Variants in WWOX observed in about 807,000 individuals in gnomAD.
WWOX encodes the protein WW domain-containing oxidoreductase.
In WWOX, 69 loss-of-function variants were observed where a neutral mutation model predicts 46.2. The ratio of observed to expected loss-of-function variants is 1.49; its 90% CI spans 1.23 to 1.82. The LOEUF (loss-of-function observed/expected upper bound fraction) is 1.82. Ranked by LOEUF, WWOX falls within the 40% of genes most tolerant of loss-of-function variation. The pLI is 0.00. For synonymous variants in WWOX, 359 were observed against 202.6 expected, an observed-to-expected ratio of 1.77 and a Z score of -6.56; for missense variants, 919 against 542.6, an observed-to-expected ratio of 1.69 and a Z score of -6.89.
chr16:78,733,130 T>A (rs2049004968), intron 8 of WWOX, among the ~76,000 whole-genome samples: 3 of 152,228 alleles, frequency 2.0e-5, no homozygotes, highest in Non-Finnish European at 4.4e-5. Context: ...TTGTTTTTAA[T>A]TACGTTCATA....
At chr16:78,159,672 GT>G (rs35468343) in intron 4 of WWOX, among the ~76,000 whole-genome samples, 7,265 of 55,266 alleles carry the variant, frequency 0.13, 186 homozygotes, top group East Asian at 0.23. Flanking sequence ...AAAATCTGTG[GT>G]TTTTTTTTTT....
chr16:79,070,303 TGTG>T (rs2048525413), intron 8 of WWOX, among the ~76,000 whole-genome samples: 1 of 151,150 alleles, frequency 6.6e-6, no homozygotes, highest in East Asian at 1.9e-4. Flanking sequence ...TGTGTGTGTG[TGTG>T]TTTTCCAGAA....
intron 8 of WWOX, chr16:78,891,572 C>G (rs890911763): frequency 1.3e-5 from 2 of 152,328 alleles, no homozygotes; most frequent in African/African-American, 4.8e-5. Flanking sequence ...ATTAAATTCT[C>G]TGTCGATAAT....
intron 8 of WWOX, among the ~76,000 whole-genome samples, chr16:78,838,896 G>C (rs2052063331): frequency 6.6e-6 from 1 of 152,208 alleles, no homozygotes; most frequent in Middle Eastern, 3.4e-3. Context: ...GATTGCCAGG[G>C]ACTGGAGAGG....
intron 8 of WWOX, among the ~76,000 whole-genome samples, chr16:78,794,521 T>A (rs528816090): frequency 7.9e-4 from 120 of 152,318 alleles, no homozygotes; most frequent in African/African-American, 2.7e-3. Context: ...ATACCAATTT[T>A]CTCATCCAAA....
chr16:78,690,880 C>T (rs1452299724), intron 8 of WWOX, among the ~76,000 whole-genome samples: 1 of 152,190 alleles, frequency 6.6e-6, no homozygotes, highest in Non-Finnish European at 1.5e-5. Flanking sequence ...AGCACCGTAT[C>T]AATACCTGGG....
chr16:78,939,376 T>C (rs1261041325), intron 8 of WWOX, among the ~76,000 whole-genome samples: 1 of 152,194 alleles, frequency 6.6e-6, no homozygotes, highest in East Asian at 1.9e-4. Context: ...TGGGATACTT[T>C]TTAGAATTTT....
chr16:78,945,037 G>A (rs2151295912), intron 8 of WWOX, among the ~76,000 whole-genome samples: 1 of 152,198 alleles, frequency 6.6e-6, no homozygotes, highest in Non-Finnish European at 1.5e-5. Flanking sequence ...AACATTAGCT[G>A]GGCATGGTGG....
intron 8 of WWOX, among the ~76,000 whole-genome samples, chr16:79,070,112 A>G (rs184332319): frequency 3.9e-4 from 59 of 152,334 alleles, no homozygotes; most frequent in Non-Finnish European, 6.5e-4. Context: ...GATTGGGCAA[A>G]TTGACTTGAA....
chr16:78,139,765 A>G (rs2033921735), intron 4 of WWOX, among the ~76,000 whole-genome samples: 1 of 152,220 alleles, frequency 6.6e-6, no homozygotes, highest in East Asian at 1.9e-4. Context: ...ATATTTATGC[A>G]TAATTTGGGA....
rs142944858 is a variant in WWOX, at chr16:79,071,419, C to G, written c.1057-140189C>G. On this transcript the variant is annotated intron_variant, in intron 8 of 8. Transcript: ENST00000566780. ...AGAAGGGGTTGTGCGTTTCTTCCCCCCTCATCTCTTAGAGCCCTGTTACCC... is the reference window on the plus strand; with the variant it reads ...AGAAGGGGTTGTGCGTTTCTTCCCCGCTCATCTCTTAGAGCCCTGTTACCC... Among the ~76,000 whole-genome samples, 66 of 152,304 alleles carry G rather than the reference C, an allele frequency of 4.3e-4. 1 individual carries two copies. In the East Asian group the frequency reaches 0.01, roughly 23 times the overall value.
At chr16:78,751,415 T>TTATA (rs140469865) in intron 8 of WWOX, among the ~76,000 whole-genome samples, 8 of 142,434 alleles carry the variant, frequency 5.6e-5, no homozygotes, top group African/African-American at 1.8e-4. Flanking sequence ...ATTTATCAGA[T>TTATA]TATATATATA....
intron 8 of WWOX, among the ~76,000 whole-genome samples, chr16:78,865,837 C>T (rs914997871): frequency 1.3e-5 from 2 of 152,164 alleles, no homozygotes; most frequent in African/African-American, 4.8e-5. Context: ...CCAGATTGCA[C>T]CACCGCACTC....
chr16:79,179,649 T>G (rs1391385041), intron 8 of WWOX, among the ~76,000 whole-genome samples: 1 of 152,194 alleles, frequency 6.6e-6, no homozygotes, highest in Non-Finnish European at 1.5e-5. Flanking sequence ...TTCCATTGTA[T>G]TTGAGCCACT....
At chr16:78,188,392 G>A (rs987263966) in intron 5 of WWOX, among the ~76,000 whole-genome samples, 3 of 151,852 alleles carry the variant, frequency 2.0e-5, no homozygotes, top group Non-Finnish European at 4.4e-5. Flanking sequence ...GGAGGCTGAG[G>A]CAGGACAATG....
intron 5 of WWOX, among the ~76,000 whole-genome samples, chr16:78,347,475 TC>T (rs1189340699): frequency 2.6e-5 from 3 of 116,576 alleles, no homozygotes; most frequent in Non-Finnish European, 4.1e-5. Context: ...CCCCACAATG[TC>T]CCCCCACATA....
intron 4 of WWOX, among the ~76,000 whole-genome samples, chr16:78,145,273 C>T (rs1260125972): frequency 6.6e-6 from 1 of 152,028 alleles, no homozygotes; most frequent in Non-Finnish European, 1.5e-5. Flanking sequence ...AGTATTGACT[C>T]CCACAATCAC....
chr16:78,773,372 T>C (rs933648399), intron 8 of WWOX, among the ~76,000 whole-genome samples: 2 of 152,204 alleles, frequency 1.3e-5, no homozygotes, highest in Non-Finnish European at 2.9e-5. Flanking sequence ...TAGCTTGGAA[T>C]GGACCATCCT....
At chr16:79,133,763 G>A (rs1293532220) in intron 8 of WWOX, among the ~76,000 whole-genome samples, 1 of 152,174 alleles carries the variant, frequency 6.6e-6, no homozygotes, top group Non-Finnish European at 1.5e-5. Flanking sequence ...CTGGTCAAAC[G>A]TATTACTTAA....
Sources: allele counts gnomAD v4.1 joint callset (sites outside exome capture counted in the v4.1 genomes callset), GRCh38; gene constraint gnomAD v4.1.1; transcripts MANE v1.5; gene names NCBI Gene and HGNC (gene_info 2026-07-23, HGNC 2026-07-21).